POLE: variants seen among roughly 807,000 people sequenced by gnomAD.
POLE encodes DNA polymerase epsilon, catalytic subunit.
POLE carries 188 observed loss-of-function variants against 279.2 expected under a neutral mutation model. The observed-to-expected ratio is 0.67, with a 90% confidence interval of 0.60 to 0.76. POLE has a LOEUF of 0.76. POLE is among the 30% of genes least tolerant of loss of function. The pLI is 0.00. For synonymous variants in POLE, 1,214 were observed against 1,172.5 expected, an observed-to-expected ratio of 1.04 and a Z score of -0.72; for missense variants, 2,703 against 3,016.7, an observed-to-expected ratio of 0.90 and a Z score of 2.44.
Position 132,675,946 on chromosome 12 carries a change from C to CA in POLE, c.1021-127_1021-126insT. ...CTTATTCCTGCCCCGCCCCTCCGCC[C>CA]GTCTCTGGCAGAAAAGACGGTCATA... On this transcript the variant is annotated intron_variant, in intron 10 of 48. Coordinates refer to ENST00000320574, the MANE Select transcript of POLE (RefSeq NM_006231.4). This position sits in a 1 kb window ranked among gnomAD's most constrained non-coding sequence, Gnocchi z 4.3. 1.1e-5 allele frequency: 10 copies of CA among 946,356 alleles called. No individual in the cohort carries two copies. The highest frequency in any genetic ancestry group is 1.7e-5 in the Non-Finnish European group (10 of 603,186). The allele number at this position is 946,356 out of a possible 1,614,324, so 58.6% of individuals were successfully genotyped here.
At chr12:132,650,693 A>C (rs1017939375) in intron 29 of POLE, 2 of 152,202 alleles carry the variant, frequency 1.3e-5, no homozygotes, top group African/African-American at 4.8e-5. Flanking sequence ...GCATTTTGCC[A>C]TGTTTGCTCC....
intron 8 of POLE, 25 bp from the exon 9 acceptor site, chr12:132,676,678 G>A (rs772760026): frequency 6.0e-6 from 9 of 1,494,880 alleles, no homozygotes; most frequent in Middle Eastern, 1.7e-4. Context: ...TAAGCATAAA[G>A]CCAAGCTCTA....
At chr12:132,625,572 C>T (rs1273412726) in intron 47 of POLE, 73 bp downstream of exon 47, 2 of 1,582,906 alleles carry the variant, frequency 1.3e-6, no homozygotes, top group Admixed American at 3.4e-5. Flanking sequence ...TGCACACACC[C>T]CGGCTCCCGG....
intron 1 of POLE, among the ~76,000 whole-genome samples, chr12:132,685,366 G>A (rs537695647): frequency 2.0e-5 from 3 of 152,284 alleles, no homozygotes; most frequent in Admixed American, 6.5e-5. Flanking sequence ...GTATCACACC[G>A]TCCCAGTACT....
At chr12:132,657,846 A>C in intron 27 of POLE, 22 bp downstream of exon 27, 1 of 1,493,888 alleles carries the variant, frequency 6.7e-7, no homozygotes, top group Non-Finnish European at 9.3e-7. Context: ...TTTTAAGAGT[A>C]GAGAACGCAA....
chr12:132,632,290 C>G, intron 45 of POLE, 25 bp downstream of exon 45: 1 of 1,592,798 alleles, frequency 6.3e-7, no homozygotes, highest in Non-Finnish European at 8.6e-7. Flanking sequence ...GTGTCCTCTC[C>G]TCACACGCAC....
rs368927363 is a variant in POLE at position 132,680,071 on chromosome 12, C to T, written c.331-25G>A. 261 of 1,603,004 alleles carry T rather than the reference C, an allele frequency of 1.6e-4. No individual in the cohort carries two copies. In the African/African-American group the frequency reaches 3.3e-3, roughly 20 times the overall value. ...CCTAATCAGGATCAGAATGAAAAGGCTTTCCATTGGTAAAATACATTTCCT... is the reference window on the plus strand; with the variant it reads ...CCTAATCAGGATCAGAATGAAAAGGTTTTCCATTGGTAAAATACATTTCCT... On this transcript the variant is annotated intron_variant, in intron 4 of 48. Coordinates refer to ENST00000320574, the MANE Select transcript of POLE (RefSeq NM_006231.4).
In POLE at chr12:132,672,754, T is replaced by C. The variant is rs780865223; in HGVS notation, c.1559A>G (p.Gln520Arg). Reference protein sequence around the residue: ...FHANIIFPNKQEQEFNKLTDD... With the variant: ...FHANIIFPNKREQEFNKLTDD... The stretch of plus-strand genomic sequence containing the variant: ...CGTCAGCTTATTGAACTCCTGCTCT[T>C]GCTTGTTGGGGAAGATGATGTTGGC... The change falls in exon 15 of 49, where the codon CAA becomes CGA. Residue 520 changes from glutamine to arginine, a missense_variant. By Grantham distance (43) the Gln-to-Arg change is conservative. Transcript: ENST00000320574. 1.8e-5 allele frequency: 29 copies of C among 1,614,056 alleles called. No homozygotes were observed. The Admixed American group carries it at 3.8e-4, about 21-fold the overall frequency.
At chr12:132,656,461 C>T (rs1221670184) in intron 29 of POLE, among the ~76,000 whole-genome samples, 3 of 151,952 alleles carry the variant, frequency 2.0e-5, no homozygotes, top group Non-Finnish European at 4.4e-5. Context: ...CGGGTTCACG[C>T]TGTTCTCCTG....
At chr12:132,637,392 A>G (rs2042055045) in intron 41 of POLE, among the ~76,000 whole-genome samples, 1 of 152,166 alleles carries the variant, frequency 6.6e-6, no homozygotes, top group African/African-American at 2.4e-5. Flanking sequence ...ATTCATCCCC[A>G]GGGTGAGCGC....
chr12:132,631,554 T>A (rs2041933626), intron 45 of POLE, among the ~76,000 whole-genome samples: 2 of 152,188 alleles, frequency 1.3e-5, no homozygotes, highest in Non-Finnish European at 1.5e-5. Context: ...TAGCCGTGTG[T>A]GAGATGCAGT....
At chr12:132,687,137 G>T in intron 1 of POLE, 117 bp downstream of exon 1, 2 of 533,636 alleles carry the variant, frequency 3.7e-6, no homozygotes, top group Non-Finnish European at 5.5e-6. Context: ...CAGGCGCGGC[G>T]AGTGCGGGCG....
At chr12:132,636,958 C>T (rs2042047954) in intron 41 of POLE, among the ~76,000 whole-genome samples, 1 of 152,210 alleles carries the variant, frequency 6.6e-6, no homozygotes, top group Admixed American at 6.5e-5. Context: ...GCAACCCCGG[C>T]CTCCTCAGGT....
intron 16 of POLE, among the ~76,000 whole-genome samples, chr12:132,670,818 T>C (rs75584919): frequency 0.013 from 1,958 of 152,246 alleles, 48 homozygotes; most frequent in African/African-American, 0.044. Flanking sequence ...TCCTATTTGT[T>C]ATTCAGACAA....
At chr12:132,676,477 C>T in intron 9 of POLE, 69 bp downstream of exon 9, 1 of 989,970 alleles carries the variant, frequency 1.0e-6, no homozygotes, top group Non-Finnish European at 1.6e-6. Context: ...GGGGCAGATG[C>T]TGCTGTAGTA....
intron 5 of POLE, 85 bp from the exon 6 acceptor site, chr12:132,679,736 C>A: frequency 6.7e-7 from 1 of 1,485,398 alleles, no homozygotes; most frequent in Non-Finnish European, 9.2e-7. Flanking sequence ...GGTAAACACA[C>A]AAGTCAAAGA....
At chr12:132,676,354 C>T (rs570296521) in intron 9 of POLE, 150 bp from the exon 10 acceptor site, 20 of 723,236 alleles carry the variant, frequency 2.8e-5, no homozygotes, top group Non-Finnish European at 4.3e-5. Context: ...TGAGAAGAGA[C>T]GCTCTGTGTG....
At chr12:132,656,987 TA>T in intron 29 of POLE, 148 bp downstream of exon 29, 4 of 774,148 alleles carry the variant, frequency 5.2e-6, no homozygotes, top group Non-Finnish European at 8.3e-6. Flanking sequence ...AGTTAGAGAG[TA>T]AAGTGCCAAT....
In POLE at chr12:132,676,095, T is replaced by A. The variant is rs895236041; in HGVS notation, c.1019A>T (p.Glu340Val). ...GPFCVFNEPDEAHLIQRWFEH... is the reference protein window; with the variant it reads ...GPFCVFNEPDVAHLIQRWFEH... ...GTTTCCCAAGTGATACCTCCTTACC[T>A]CATCGGGTTCATTGAAGACACAAAA... is the stretch of plus-strand genomic sequence containing the variant. The change falls in exon 10 of 49, where the codon GAG (glutamate) becomes GTG (valine). Residue 340 changes from glutamate (E) to valine (V), a missense_variant and splice_region_variant. Transcript: ENST00000320574. 8 of 1,593,602 alleles carry A rather than the reference T, an allele frequency of 5.0e-6. No homozygotes were observed. Among genetic ancestry groups the A allele is most frequent in the Non-Finnish European group, 6.9e-6 (8 of 1,165,202 alleles).
Sources: allele counts gnomAD v4.1 joint callset (sites outside exome capture counted in the v4.1 genomes callset), GRCh38; gene constraint gnomAD v4.1.1; non-coding constraint Gnocchi (gnomAD v3.1); transcripts MANE v1.5; gene names NCBI Gene and HGNC (gene_info 2026-07-23, HGNC 2026-07-21).